Variants in PPP3CA observed in about 807,000 individuals in gnomAD.
PPP3CA encodes protein phosphatase 3 catalytic subunit alpha, also known as CAM-PRP catalytic subunit.
Under a neutral mutation model 66.5 loss-of-function variants are expected in PPP3CA, and 14 were observed. The observed-to-expected ratio is 0.21, with a 90% CI of 0.14 to 0.33. The LOEUF (loss-of-function observed/expected upper bound fraction) is 0.33. PPP3CA is among the 10% of genes least tolerant of loss of function. The pLI, the probability that PPP3CA is intolerant of heterozygous loss-of-function variation, is 1.00. For synonymous variants in PPP3CA, 232 were observed against 226.2 expected (o/e 1.03, Z -0.23); for missense variants, 317 against 639.5 (o/e 0.50, Z 5.44).
chr4:101,226,938 T>C (rs562178323), intron 1 of PPP3CA, among the ~76,000 whole-genome samples: 1 of 151,716 alleles, frequency 6.6e-6, no homozygotes, highest in East Asian at 2.0e-4. Context: ...GGATAATTAT[T>C]TTTTTATATG....
chr4:101,308,331 C>G (rs538293517), intron 1 of PPP3CA, among the ~76,000 whole-genome samples: 2 of 152,294 alleles, frequency 1.3e-5, no homozygotes, highest in South Asian at 4.1e-4. Context: ...AAAGGAGAAA[C>G]TTCTCTATGA....
chr4:101,258,200 T>C (rs557227277), intron 1 of PPP3CA, among the ~76,000 whole-genome samples: 3 of 152,208 alleles, frequency 2.0e-5, no homozygotes, highest in East Asian at 1.9e-4. Flanking sequence ...GTCAAAACTA[T>C]AGAATACAGA....
intron 1 of PPP3CA, among the ~76,000 whole-genome samples, chr4:101,330,642 T>C (rs1004046413): frequency 6.6e-6 from 1 of 152,172 alleles, no homozygotes; most frequent in Non-Finnish European, 1.5e-5. Context: ...ATTCGCTCTA[T>C]TGTGGCAGTC....
intron 11 of PPP3CA, among the ~76,000 whole-genome samples, chr4:101,033,331 G>C (rs1018941347): frequency 6.1e-5 from 9 of 147,536 alleles, no homozygotes; most frequent in East Asian, 4.0e-4. Flanking sequence ...CACACACACA[G>C]GGAGAGAGTT....
chr4:101,059,228 A>C (rs914016753), intron 10 of PPP3CA, among the ~76,000 whole-genome samples: 6 of 152,162 alleles, frequency 3.9e-5, no homozygotes, highest in Admixed American at 3.9e-4. Flanking sequence ...TAGAATTTAG[A>C]TAAAGCACAA....
At chr4:101,029,900 A>ATGTTT (rs1726863562) in intron 12 of PPP3CA, among the ~76,000 whole-genome samples, 1 of 151,766 alleles carries the variant, frequency 6.6e-6, no homozygotes, top group African/African-American at 2.4e-5. Context: ...AAGCCCAATT[A>ATGTTT]TGTTTTCTTT....
At position 101,100,025 on chromosome 4, in the gene PPP3CA, T is replaced by TA. The variant is rs202204969; in HGVS notation, c.385-304dup. Among the ~76,000 whole-genome samples, 490 of 150,566 alleles carry TA rather than the reference T, an allele frequency of 3.3e-3. 5 individuals are homozygous for TA. The highest frequency in any genetic ancestry group is 0.011 in the African/African-American group (464 of 41,138). On this transcript the variant is annotated intron_variant, in intron 3 of 13. Coordinates refer to ENST00000394854, the MANE Select transcript of PPP3CA (RefSeq NM_000944.5). ...ATGTGACCTGAGGAGAGTGGGAGTT[T>TA]AAAAAAAAATGGAAGGGAAGAAACT...
chr4:101,074,742 A>G (rs112215207), intron 8 of PPP3CA, among the ~76,000 whole-genome samples: 59 of 152,302 alleles, frequency 3.9e-4, no homozygotes, highest in African/African-American at 1.3e-3. Flanking sequence ...CAAGAGTAAA[A>G]TGCTTTTTAT....
rs544457439 is a variant in PPP3CA, at chr4:101,230,211, T to G, written c.59-34095A>C. On this transcript the variant is annotated intron_variant, in intron 1 of 13. Transcript: ENST00000394854. The stretch of plus-strand genomic sequence containing the variant: ...GTCATACGTCTAGAAATTTTTAATA[T>G]GTCAACCAGATTTTTCTTCTTTACA... Among the ~76,000 whole-genome samples the G allele has an allele frequency of 1.1e-4, 16 of 151,726 alleles. No homozygotes were observed. The South Asian group carries it at 2.1e-3, about 20-fold the overall frequency.
chr4:101,307,065 T>A (rs1168401424), intron 1 of PPP3CA, among the ~76,000 whole-genome samples: 1 of 150,236 alleles, frequency 6.7e-6, no homozygotes, highest in Non-Finnish European at 1.5e-5. Flanking sequence ...TACAGCTCTA[T>A]CAAAACACCA....
At chr4:101,033,254 G>A (rs1006297205) in intron 11 of PPP3CA, among the ~76,000 whole-genome samples, 9 of 149,196 alleles carry the variant, frequency 6.0e-5, no homozygotes, top group East Asian at 2.0e-4. Flanking sequence ...ATATATTTGC[G>A]TGTATATATA....
intron 1 of PPP3CA, among the ~76,000 whole-genome samples, chr4:101,248,377 C>T (rs1726558412): frequency 1.3e-5 from 2 of 152,128 alleles, no homozygotes; most frequent in African/African-American, 4.8e-5. Flanking sequence ...TACATAACTG[C>T]TCTGGAATAA....
At chr4:101,048,164 G>C (rs545839587) in intron 10 of PPP3CA, among the ~76,000 whole-genome samples, 8 of 152,170 alleles carry the variant, frequency 5.3e-5, no homozygotes, top group South Asian at 2.1e-4. Context: ...ATGGAAAAAG[G>C]GCATTTGAGA....
At chr4:101,037,990 G>A (rs1727327250) in intron 11 of PPP3CA, among the ~76,000 whole-genome samples, 1 of 152,210 alleles carries the variant, frequency 6.6e-6, no homozygotes. Context: ...AACTGAGGGA[G>A]TTTGGACACT....
chr4:101,311,516 A>T (rs1330475668), intron 1 of PPP3CA, among the ~76,000 whole-genome samples: 1 of 152,222 alleles, frequency 6.6e-6, no homozygotes, highest in African/African-American at 2.4e-5. Flanking sequence ...ACAGTGGCTT[A>T]TGCTTGTGAT....
At chr4:101,338,897 G>A (rs1470629396) in intron 1 of PPP3CA, among the ~76,000 whole-genome samples, 1 of 152,128 alleles carries the variant, frequency 6.6e-6, no homozygotes, top group Non-Finnish European at 1.5e-5. Context: ...AAACAAACTT[G>A]AATTCCTGAC....
intron 1 of PPP3CA, among the ~76,000 whole-genome samples, chr4:101,220,757 C>T (rs1208312550): frequency 1.3e-5 from 2 of 151,712 alleles, no homozygotes; most frequent in Non-Finnish European, 3.0e-5. Context: ...CATACACACA[C>T]AGTCACACAC....
intron 1 of PPP3CA, among the ~76,000 whole-genome samples, chr4:101,296,037 A>C (rs1490902609): frequency 6.6e-6 from 1 of 151,830 alleles, no homozygotes; most frequent in Non-Finnish European, 1.5e-5. Flanking sequence ...TTTCTGAAGG[A>C]ATATTACAGG....
Position 101,024,593 on chromosome 4 carries a change from GACAGA to G in PPP3CA, c.*1267_*1271del, listed in dbSNP as rs1207042098. Reference sequence around the variant, plus strand: ...AAAAAGTACATATTTTGTGGCACATGACAGAACAGAACAAAATAACTAAACTGTTA... The same window carrying G: ...AAAAAGTACATATTTTGTGGCACATGACAGAACAAAATAACTAAACTGTTA... On this transcript the variant is annotated 3_prime_UTR_variant, in exon 14 of 14. Transcript: ENST00000394854. The G allele has an allele frequency of 7.9e-5, 12 of 152,608 alleles. No homozygotes were observed. Among genetic ancestry groups the G allele is most frequent in the Non-Finnish European group, 1.6e-4 (11 of 68,024 alleles). 9.5% of individuals were successfully genotyped at this position (152,608 alleles called of 1,614,324 possible). A position where few individuals can be genotyped will look rare whatever the true frequency, so the allele number is the denominator to read the frequency against.
Sources: allele counts gnomAD v4.1 joint callset (sites outside exome capture counted in the v4.1 genomes callset), GRCh38; gene constraint gnomAD v4.1.1; transcripts MANE v1.5; gene names NCBI Gene and HGNC (gene_info 2026-07-23, HGNC 2026-07-21).